The following KDM2B variants were observed in gnomAD, a reference collection of about 807,000 sequenced individuals.
KDM2B encodes lysine-specific demethylase 2B.
Under a neutral mutation model 150.0 loss-of-function variants are expected in KDM2B, and 26 were observed. The observed-to-expected ratio is 0.17, with a 90% CI of 0.13 to 0.24. KDM2B has a LOEUF of 0.24. Among genes scored for constraint, KDM2B ranks in the 10% least tolerant of loss-of-function variants. KDM2B has a pLI of 1.00. For missense variants in KDM2B, 1,265 were observed against 1,816.9 expected (o/e 0.70, Z 5.52); for synonymous variants, 734 against 729.5 (o/e 1.01, Z -0.10).
At chr12:121,568,830 GGTACAGT>G (rs1266489704) in intron 4 of KDM2B, among the ~76,000 whole-genome samples, 3 of 147,958 alleles carry the variant, frequency 2.0e-5, no homozygotes, top group African/African-American at 7.5e-5. Context: ...TTTTTTTAAG[GGTACAGT>G]GTTACAGAAA....
At position 121,521,047 on chromosome 12, in the gene KDM2B, T is replaced by G. The variant is rs782105950; in HGVS notation, c.985A>C (p.Ile329Leu). 2 of 1,614,002 alleles carry G rather than the reference T, an allele frequency of 1.2e-6. No individual in the cohort carries two copies. The highest frequency in any genetic ancestry group is 1.7e-6 in the Non-Finnish European group (2 of 1,179,960). Residue 329 changes from isoleucine to leucine, a missense_variant, in exon 9 of 23, where the codon ATC becomes CTC. Ile to Leu is a conservative substitution (Grantham distance 5). Transcript: ENST00000377071. This position sits in a 1 kb window ranked among gnomAD's most constrained non-coding sequence, Gnocchi z 4.9. ...PVDSLVFGGN[I>L]LHSFNVPMQL... ...ATGGGCACGTTAAAGCTGTGCAGGATGTTTCCGCCGAACACCAAAGAGTCT... is the reference window on the plus strand; with the variant it reads ...ATGGGCACGTTAAAGCTGTGCAGGAGGTTTCCGCCGAACACCAAAGAGTCT...
At chr12:121,527,339 T>G (rs1340627272) in intron 8 of KDM2B, among the ~76,000 whole-genome samples, 1 of 90,624 alleles carries the variant, frequency 1.1e-5, no homozygotes, top group Admixed American at 1.2e-4. Context: ...TGAGCCACTG[T>G]GCCCAGCCTA....
At chr12:121,441,495 G>A (rs990330450) in intron 19 of KDM2B, among the ~76,000 whole-genome samples, 5 of 152,110 alleles carry the variant, frequency 3.3e-5, no homozygotes, top group African/African-American at 1.2e-4. Flanking sequence ...GGTGTGTAGT[G>A]GTGCAATCTC....
chr12:121,564,870 C>T (rs1441946358), intron 4 of KDM2B, among the ~76,000 whole-genome samples: 1 of 151,990 alleles, frequency 6.6e-6, no homozygotes, highest in Non-Finnish European at 1.5e-5. Context: ...TCTCTGTCAC[C>T]CAGGCTTGAG....
chr12:121,561,261 C>T (rs545330480), intron 4 of KDM2B, among the ~76,000 whole-genome samples: 1 of 152,278 alleles, frequency 6.6e-6, no homozygotes, highest in African/African-American at 2.4e-5. Context: ...CCCCAAACTC[C>T]CCAGAGCCCG....
chr12:121,445,910 C>A (rs971833691), intron 13 of KDM2B, among the ~76,000 whole-genome samples: 8 of 152,228 alleles, frequency 5.3e-5, no homozygotes, highest in Admixed American at 5.2e-4. Context: ...AGACCATGGA[C>A]TGCGGGCTCC....
chr12:121,556,132 G>A (rs782372243), intron 4 of KDM2B, among the ~76,000 whole-genome samples: 34 of 152,090 alleles, frequency 2.2e-4, no homozygotes, highest in Non-Finnish European at 4.6e-4. Context: ...TCACCATGTT[G>A]GCCAGGCTGG....
At chr12:121,421,690 T>TA in the KDM2B span, among the ~76,000 whole-genome samples, 13 of 152,078 alleles carry the variant, frequency 8.5e-5, no homozygotes, top group East Asian at 7.7e-4. Flanking sequence ...TTTTTAATTG[T>TA]AAAAAAAATA....
At chr12:121,413,855 G>C in the KDM2B span, among the ~76,000 whole-genome samples, 1 of 152,068 alleles carries the variant, frequency 6.6e-6, no homozygotes, top group Non-Finnish European at 1.5e-5. Flanking sequence ...CATTACAGGT[G>C]TGAGCCACCG....
chr12:121,439,830 C>G, intron 22 of KDM2B, 27 bp downstream of exon 22: 2 of 1,567,220 alleles, frequency 1.3e-6, no homozygotes, highest in Non-Finnish European at 8.8e-7. Context: ...GAGTGTTAGG[C>G]AGACCCGATG....
At chr12:121,576,143 A>AG (rs1318137796) in intron 2 of KDM2B, among the ~76,000 whole-genome samples, 1 of 152,256 alleles carries the variant, frequency 6.6e-6, no homozygotes, top group Non-Finnish European at 1.5e-5. Context: ...AAGGCCAGCG[A>AG]GGGTTGGGGA....
chr12:121,560,156 T>C (rs948553619), intron 4 of KDM2B, among the ~76,000 whole-genome samples: 1 of 151,572 alleles, frequency 6.6e-6, no homozygotes. Context: ...TGGGCATGAG[T>C]CACCATGCCT....
chr12:121,493,465 C>T (rs1391540508), intron 12 of KDM2B, among the ~76,000 whole-genome samples: 2 of 152,188 alleles, frequency 1.3e-5, no homozygotes, highest in South Asian at 2.1e-4. Flanking sequence ...AGTGAAGCTG[C>T]GTGGAGGCAG....
rs10541701 is a variant in KDM2B at position 121,483,716 on chromosome 12, AACAC to A, written c.1734+10859_1734+10862del. Among the ~76,000 whole-genome samples, 720 of 150,374 alleles carry A rather than the reference AACAC, an allele frequency of 4.8e-3. 4 individuals are homozygous for A. The highest frequency in any genetic ancestry group is 7.9e-3 in the Non-Finnish European group (531 of 67,606). The stretch of plus-strand genomic sequence containing the variant: ...AACAACAAAAAAAACAAACAACAAC[AACAC>A]ACACACACACACACACAAACACAAA... On this transcript the variant is annotated intron_variant, in intron 12 of 22. Transcript: ENST00000377071.
chr12:121,419,671 C>G, the KDM2B span, among the ~76,000 whole-genome samples: 1 of 152,154 alleles, frequency 6.6e-6, no homozygotes, highest in Non-Finnish European at 1.5e-5. Context: ...AGGTACATAA[C>G]CCAAACTGAA....
upstream of KDM2B, among the ~76,000 whole-genome samples, chr12:121,582,258 T>C (rs1442292750): frequency 6.6e-6 from 1 of 150,620 alleles, no homozygotes; most frequent in African/African-American, 2.4e-5. Context: ...AGCGCGTATG[T>C]GCCGCTGCCA....
chr12:121,495,534 G>A (rs934839561), intron 11 of KDM2B, among the ~76,000 whole-genome samples: 2 of 152,120 alleles, frequency 1.3e-5, no homozygotes, highest in Non-Finnish European at 2.9e-5. Flanking sequence ...TCCTGGCCTC[G>A]AGGAATCCTC....
rs782814111 is a variant in KDM2B, at chr12:121,441,043, A to G, written c.3448+27T>C. On this transcript the variant is annotated intron_variant, in intron 20 of 22. Transcript: ENST00000377071. ...CCCCAGCCCTCACTGCAGCAGACAC[A>G]CTCGGGGCCACTGGCCCAGGGCTCA... 50 of 1,613,446 alleles carry G rather than the reference A, an allele frequency of 3.1e-5. 1 individual carries two copies. The South Asian group carries it at 4.9e-4, about 16-fold the overall frequency.
intron 4 of KDM2B, among the ~76,000 whole-genome samples, chr12:121,560,254 C>T (rs1228773499): frequency 6.6e-6 from 1 of 152,166 alleles, no homozygotes; most frequent in Non-Finnish European, 1.5e-5. Flanking sequence ...ATCCTACTGC[C>T]TCAGCCTCCC....
Sources: gnomAD v4.1 joint callset for allele counts (sites outside exome capture counted in the v4.1 genomes callset) on GRCh38, gnomAD v4.1.1 for gene constraint, Gnocchi (gnomAD v3.1) non-coding constraint, MANE v1.5 for transcripts, NCBI Gene and HGNC (gene_info 2026-07-23, HGNC 2026-07-21) for gene names.